Variants in CSDC2 observed in about 807,000 individuals in gnomAD.
CSDC2 encodes cold shock domain-containing protein C2.
Under a neutral mutation model 15.8 loss-of-function variants are expected in CSDC2, and 8 were observed. The observed-to-expected ratio is 0.51, with a 90% CI of 0.30 to 0.92. The LOEUF is 0.92. Ranked by LOEUF, CSDC2 falls within the 40% of genes least tolerant of loss-of-function variation. The probability of loss-of-function intolerance (pLI) is 0.07; values close to 1 mark genes in which losing one functional copy is unlikely to be tolerated. For synonymous variants in CSDC2, 96 were observed against 92.3 expected, an observed-to-expected ratio of 1.04 and a Z score of -0.23; for missense variants, 195 against 213.3, an observed-to-expected ratio of 0.91 and a Z score of 0.53.
intron 1 of CSDC2, among the ~76,000 whole-genome samples, chr22:41,566,963 G>T (rs181883896): frequency 5.3e-5 from 8 of 152,044 alleles, no homozygotes; most frequent in African/African-American, 1.7e-4. Context: ...ACAAAACTGG[G>T]TTGCAGTGGA....
intron 1 of CSDC2, among the ~76,000 whole-genome samples, chr22:41,571,595 C>T (rs890043858): frequency 2.0e-5 from 3 of 152,178 alleles, no homozygotes; most frequent in South Asian, 2.1e-4. Context: ...CATCACTGGC[C>T]ACCCTACCCA....
chr22:41,573,571 C>T (rs2067158741), intron 2 of CSDC2, 84 bp from the exon 3 acceptor site: 1 of 1,505,818 alleles, frequency 6.6e-7, no homozygotes, highest in Non-Finnish European at 9.0e-7. Flanking sequence ...GAGGCACGCT[C>T]AGCAGAAAGG....
chr22:41,574,805 C>T lies in CSDC2; in HGVS notation c.372C>T (p.Asn124=), dbSNP rs757734782. 3.1e-6 allele frequency: 5 copies of T among 1,613,630 alleles called. No individual in the cohort carries two copies. Among genetic ancestry groups the T allele is most frequent in the Admixed American group, 3.3e-5 (2 of 59,990 alleles). ...AGATGTGCCCTATCCCTCCCAAGAA[C>T]CAGAAGTTCCAGGCCGTGGAGGTGG... ...TYKMCPIPPK[N]QKFQAVEVVL... Residue 124 remains asparagine, a synonymous_variant, in exon 4 of 4, where the codon AAC becomes AAT. Coordinates refer to ENST00000306149, the MANE Select transcript of CSDC2 (RefSeq NM_014460.4).
At position 41,574,731 on chromosome 22, in the gene CSDC2, A is replaced by G. The variant is rs1441663516; in HGVS notation, c.300-2A>G. 6.2e-7 allele frequency: 1 copy of G among 1,613,556 alleles called. No individual in the cohort carries two copies. Among genetic ancestry groups the G allele is most frequent in the South Asian group, 1.1e-5 (1 of 91,066 alleles). On this transcript the variant is annotated splice_acceptor_variant, in intron 3 of 3. Transcript: ENST00000306149. LOFTEE classifies it high-confidence loss of function. Reference sequence around the variant, plus strand: ...GCTAATACCCCTCTTCCTGCCCGCCAGCATCGAGGGGGAGTACGTGCCAGT... The same window carrying G: ...GCTAATACCCCTCTTCCTGCCCGCCGGCATCGAGGGGGAGTACGTGCCAGT...
At chr22:41,573,621 G>A in intron 2 of CSDC2, 34 bp from the exon 3 acceptor site, 1 of 1,588,450 alleles carries the variant, frequency 6.3e-7, no homozygotes, top group Non-Finnish European at 8.6e-7. Flanking sequence ...GAGTTCCTCA[G>A]GCCACAGCTC....
At chr22:41,564,785 C>T (rs1030211829) in intron 1 of CSDC2, among the ~76,000 whole-genome samples, 1 of 152,214 alleles carries the variant, frequency 6.6e-6, no homozygotes, top group Non-Finnish European at 1.5e-5. Context: ...CAGAGAGGAG[C>T]AGGTGCCTGC....
In CSDC2 at chr22:41,576,308, A is replaced by C. The variant is rs1408923496; in HGVS notation, c.*1413A>C. The C allele has an allele frequency of 6.6e-6, 1 of 152,174 alleles. No individual in the cohort carries two copies. Among genetic ancestry groups the C allele is most frequent in the Non-Finnish European group, 1.5e-5 (1 of 68,076 alleles). 9.4% of individuals were successfully genotyped at this position (152,174 alleles called of 1,614,324 possible). On this transcript the variant is annotated 3_prime_UTR_variant, in exon 4 of 4. Coordinates refer to ENST00000306149, the MANE Select transcript of CSDC2 (RefSeq NM_014460.4). ...CCCCCGGCCCCAGGGCCCACCACAT[A>C]AAATCTGGGAGCCCAGAGCTGCTGA...
rs774446851 is a variant in CSDC2 at position 41,572,262 on chromosome 22, A to G, written c.176+121A>G. 18 of 785,558 alleles carry G rather than the reference A, an allele frequency of 2.3e-5. No individual in the cohort carries two copies. In the Admixed American group the frequency reaches 4.3e-4, roughly 19 times the overall value. The allele number at this position is 785,558 out of a possible 1,614,324, so 48.7% of individuals were successfully genotyped here. A position where few individuals can be genotyped will look rare whatever the true frequency, so the allele number is the denominator to read the frequency against. On this transcript the variant is annotated intron_variant, in intron 2 of 3. Coordinates refer to ENST00000306149, the MANE Select transcript of CSDC2 (RefSeq NM_014460.4). ...CAGGGGAACTGTGTGTGGACCTTCC[A>G]GTAACTGGATGGATGTTTGTCCCAT...
Position 41,575,096 on chromosome 22 carries a change from GC to G in CSDC2, c.*203del. Reference sequence around the variant, plus strand: ...CGACCCGTGACTACTGTGCAAGCTGGCCAGGAGGTAGGTGGAGGGCAAGGCC... The same window carrying G: ...CGACCCGTGACTACTGTGCAAGCTGGCAGGAGGTAGGTGGAGGGCAAGGCC... On this transcript the variant is annotated 3_prime_UTR_variant, in exon 4 of 4. Coordinates refer to ENST00000306149, the MANE Select transcript of CSDC2 (RefSeq NM_014460.4). 1 of 675,866 alleles carries G rather than the reference GC, an allele frequency of 1.5e-6. No homozygotes were observed. Among genetic ancestry groups the G allele is most frequent in the Non-Finnish European group, 2.4e-6 (1 of 409,396 alleles). 41.9% of individuals were successfully genotyped at this position (675,866 alleles called of 1,614,324 possible).
At chr22:41,563,657 A>G in intron 1 of CSDC2, among the ~76,000 whole-genome samples, 1 of 152,128 alleles carries the variant, frequency 6.6e-6, no homozygotes, top group African/African-American at 2.4e-5. Context: ...CGCCACCCTC[A>G]AGGAATGGCT....
chr22:41,574,823 G>A lies in CSDC2; in HGVS notation c.390G>A (p.Val130=). Residue 130 remains valine, a synonymous_variant, in exon 4 of 4, where the codon GTG becomes GTA. Coordinates refer to ENST00000306149, the MANE Select transcript of CSDC2 (RefSeq NM_014460.4). ...CCAAGAACCAGAAGTTCCAGGCCGT[G>A]GAGGTGGTGCTCACTCAGCTGGCCC... The part of the protein sequence containing the change: ...IPPKNQKFQA[V]EVVLTQLAPH... 1 of 1,613,324 alleles carries A rather than the reference G, an allele frequency of 6.2e-7. No homozygotes were observed. Among genetic ancestry groups the A allele is most frequent in the Non-Finnish European group, 8.5e-7 (1 of 1,179,840 alleles).
intron 1 of CSDC2, among the ~76,000 whole-genome samples, chr22:41,567,969 C>T (rs889505579): frequency 6.6e-6 from 1 of 152,132 alleles, no homozygotes; most frequent in Admixed American, 6.5e-5. Context: ...CTCCTTCCCC[C>T]ACTCCCTCTT....
At chr22:41,571,761 A>C in intron 1 of CSDC2, 82 bp from the exon 2 acceptor site, 1 of 387,958 alleles carries the variant, frequency 2.6e-6, no homozygotes, top group Non-Finnish European at 4.5e-6. Flanking sequence ...AGCAGGTGGG[A>C]CCAGCCCTCC....
At position 41,572,074 on chromosome 22, in the gene CSDC2, C is replaced by T. The variant is rs866190214; in HGVS notation, c.109C>T (p.Arg37Trp). The change falls in exon 2 of 4, where the codon CGG (arginine) becomes TGG (tryptophan). Residue 37 changes from arginine (R) to tryptophan (W), a missense_variant. Transcript: ENST00000306149. ...CAGGGAGGGCAGCAGGGTCTGGGAG[C>T]GGGGTGGTGTCCCACCTCGGGACCT... ...FHREGSRVWE[R>W]GGVPPRDLPS... 9.5e-6 allele frequency: 13 copies of T among 1,361,322 alleles called. No individual in the cohort carries two copies. Among genetic ancestry groups the T allele is most frequent in the East Asian group, 8.7e-5 (3 of 34,656 alleles). The allele number at this position is 1,361,322 out of a possible 1,614,324, so 84.3% of individuals were successfully genotyped here.
intron 2 of CSDC2, 104 bp from the exon 3 acceptor site, chr22:41,573,551 T>C (rs1601998970): frequency 7.2e-7 from 1 of 1,394,870 alleles, no homozygotes; most frequent in East Asian, 2.4e-5. Flanking sequence ...GTCAAGTTTC[T>C]CACAGCCCTG....
chr22:41,568,695 C>T (rs750711424), intron 1 of CSDC2, among the ~76,000 whole-genome samples: 1 of 152,228 alleles, frequency 6.6e-6, no homozygotes, highest in Non-Finnish European at 1.5e-5. Flanking sequence ...TGTCTCCTGC[C>T]CCTGCCTGAG....
chr22:41,568,072 A>G (rs1206376978), intron 1 of CSDC2, among the ~76,000 whole-genome samples: 1 of 148,652 alleles, frequency 6.7e-6, no homozygotes, highest in East Asian at 2.0e-4. Flanking sequence ...TCCCACCTCA[A>G]TTCTCATTTC....
intron 1 of CSDC2, among the ~76,000 whole-genome samples, chr22:41,567,872 A>T (rs1248321615): frequency 6.6e-6 from 1 of 152,094 alleles, no homozygotes; most frequent in Non-Finnish European, 1.5e-5. Context: ...AAAACAAGAG[A>T]CTGTGGAGCT....
chr22:41,574,939 C>A lies in CSDC2; in HGVS notation c.*44C>A, dbSNP rs2067167566. 1 of 1,547,630 alleles carries A rather than the reference C, an allele frequency of 6.5e-7. No individual in the cohort carries two copies. The highest frequency in any genetic ancestry group is 8.7e-7 in the Non-Finnish European group (1 of 1,146,090). ...CAGCTGGCCGGGGGTTGGGGAGCCA[C>A]ACAGGGTGAACGGGCAGCAGCCGGC... is the stretch of plus-strand genomic sequence containing the variant. On this transcript the variant is annotated 3_prime_UTR_variant, in exon 4 of 4. Coordinates refer to ENST00000306149, the MANE Select transcript of CSDC2 (RefSeq NM_014460.4).
Sources: allele counts gnomAD v4.1 joint callset (sites outside exome capture counted in the v4.1 genomes callset), GRCh38; gene constraint gnomAD v4.1.1; transcripts MANE v1.5; gene names NCBI Gene and HGNC (gene_info 2026-07-23, HGNC 2026-07-21).